Variants in MARCHF1 observed in about 807,000 individuals in gnomAD.
MARCHF1 encodes membrane associated ring-CH-type finger 1.
Under a neutral mutation model 54.2 loss-of-function variants are expected in MARCHF1, and 40 were observed. The observed-to-expected ratio is 0.74, with a 90% CI of 0.57 to 0.96. The LOEUF is 0.96. Among genes scored for constraint, MARCHF1 ranks in the 40% least tolerant of loss-of-function variants. The probability of loss-of-function intolerance (pLI) is 0.00; values close to 1 mark genes in which losing one functional copy is unlikely to be tolerated. For synonymous variants in MARCHF1, 236 were observed against 236.3 expected (o/e 1.00, Z 0.01); for missense variants, 586 against 656.5 (o/e 0.89, Z 1.17).
chr4:163,951,329 A>G lies in MARCHF1; in HGVS notation c.-39+37172T>C, dbSNP rs575034536. ...TCTATGAAGTAGATTTGCTATCTAG[A>G]TGCATGTAACTACGAACACAGGTGT... On this transcript the variant is annotated intron_variant, in intron 3 of 9. Coordinates refer to ENST00000514618, the MANE Select transcript of MARCHF1 (RefSeq NM_001394959.1). Among the ~76,000 whole-genome samples the G allele has an allele frequency of 1.2e-4, 19 of 152,286 alleles. 1 individual carries two copies. The South Asian group carries it at 3.5e-3, about 28-fold the overall frequency.
intron 1 of MARCHF1, among the ~76,000 whole-genome samples, chr4:164,155,985 G>A (rs964251124): frequency 6.6e-6 from 1 of 152,122 alleles, no homozygotes; most frequent in Non-Finnish European, 1.5e-5. Flanking sequence ...TTCGGGGGAA[G>A]TATCTACTTC....
chr4:164,259,182 T>C (rs1430232037), intron 1 of MARCHF1, among the ~76,000 whole-genome samples: 2 of 152,108 alleles, frequency 1.3e-5, no homozygotes, highest in South Asian at 2.1e-4. Context: ...TCCTCCGAAA[T>C]TCATTCCATC....
chr4:164,115,355 A>G (rs1322739465), intron 1 of MARCHF1, among the ~76,000 whole-genome samples: 1 of 152,058 alleles, frequency 6.6e-6, no homozygotes, highest in Non-Finnish European at 1.5e-5. Context: ...GTTGAAGAAT[A>G]GAGACTAAAT....
chr4:164,254,079 C>T (rs1205305431), intron 1 of MARCHF1, among the ~76,000 whole-genome samples: 1 of 152,000 alleles, frequency 6.6e-6, no homozygotes, highest in Non-Finnish European at 1.5e-5. Context: ...ATCTTGACTG[C>T]AGTGTTGATC....
chr4:164,138,190 T>C lies in MARCHF1; in HGVS notation c.-322-26528A>G, dbSNP rs115091046. Reference sequence around the variant, plus strand: ...TTATTAAGTTCTTTTTCATCTGGTTTATTTTTTACTGATCTCTGGCATTAC... The same window carrying C: ...TTATTAAGTTCTTTTTCATCTGGTTCATTTTTTACTGATCTCTGGCATTAC... On this transcript the variant is annotated intron_variant, in intron 1 of 9. Coordinates refer to ENST00000514618, the MANE Select transcript of MARCHF1 (RefSeq NM_001394959.1). Among the ~76,000 whole-genome samples the C allele has an allele frequency of 4.2e-3, 643 of 152,274 alleles. 4 individuals carry two copies. Among genetic ancestry groups the C allele is most frequent in the Admixed American group, 7.8e-3 (119 of 15,302 alleles).
At chr4:164,256,113 G>T (rs140392690) in intron 1 of MARCHF1, among the ~76,000 whole-genome samples, 5 of 151,132 alleles carry the variant, frequency 3.3e-5, no homozygotes, top group African/African-American at 1.2e-4. Context: ...CAACATAGTG[G>T]TACCCTACAA....
intron 1 of MARCHF1, among the ~76,000 whole-genome samples, chr4:164,250,987 G>A (rs1478385472): frequency 6.6e-6 from 1 of 152,080 alleles, no homozygotes; most frequent in Non-Finnish European, 1.5e-5. Context: ...AAATACTTGA[G>A]TAATGTCCTT....
chr4:163,921,480 G>T (rs1751429148), intron 3 of MARCHF1, among the ~76,000 whole-genome samples: 1 of 152,010 alleles, frequency 6.6e-6, no homozygotes, highest in Non-Finnish European at 1.5e-5. Flanking sequence ...AAAAATTATT[G>T]TGGACTTTGG....
intron 1 of MARCHF1, among the ~76,000 whole-genome samples, chr4:164,325,829 G>A (rs1310444212): frequency 1.3e-5 from 2 of 151,942 alleles, no homozygotes; most frequent in Non-Finnish European, 2.9e-5. Context: ...TTTATAATAT[G>A]GCAAAGATAC....
intron 1 of MARCHF1, among the ~76,000 whole-genome samples, chr4:164,267,000 T>C (rs1733626874): frequency 6.6e-6 from 1 of 152,186 alleles, no homozygotes; most frequent in African/African-American, 2.4e-5. Context: ...GGTGACATGA[T>C]GTCTACATCA....
chr4:163,724,484 C>T (rs1021436359), intron 4 of MARCHF1, among the ~76,000 whole-genome samples: 9 of 152,330 alleles, frequency 5.9e-5, no homozygotes, highest in African/African-American at 1.7e-4. Context: ...GCAGTCTGTC[C>T]GTTCTCAGAT....
chr4:164,172,713 C>T (rs1347492720), intron 1 of MARCHF1, among the ~76,000 whole-genome samples: 1 of 152,212 alleles, frequency 6.6e-6, no homozygotes, highest in Non-Finnish European at 1.5e-5. Context: ...CGCGGTGGCT[C>T]ACGCCTGTAA....
intron 3 of MARCHF1, among the ~76,000 whole-genome samples, chr4:163,961,591 C>T (rs1293982463): frequency 2.0e-5 from 3 of 151,806 alleles, no homozygotes; most frequent in Non-Finnish European, 4.4e-5. Context: ...TGTCCTATCT[C>T]GGTTTACCAT....
intron 1 of MARCHF1, among the ~76,000 whole-genome samples, chr4:164,302,880 A>AAT (rs1251958088): frequency 1.3e-4 from 20 of 151,414 alleles, no homozygotes; most frequent in East Asian, 9.7e-4. Flanking sequence ...AAAAAAAAAA[A>AAT]AAAAAAAAAA....
At chr4:164,376,997 T>C (rs962200544) in intron 1 of MARCHF1, among the ~76,000 whole-genome samples, 3 of 152,152 alleles carry the variant, frequency 2.0e-5, no homozygotes, top group Admixed American at 2.0e-4. Context: ...CTCACCAAGC[T>C]TCCATTTATC....
chr4:163,637,542 G>A (rs1742383233), intron 5 of MARCHF1, among the ~76,000 whole-genome samples: 1 of 151,744 alleles, frequency 6.6e-6, no homozygotes, highest in Admixed American at 6.6e-5. Context: ...ACCACAATGA[G>A]ATACCATCTC....
intron 5 of MARCHF1, among the ~76,000 whole-genome samples, chr4:163,617,026 T>A (rs552981254): frequency 6.6e-5 from 10 of 152,274 alleles, no homozygotes; most frequent in African/African-American, 2.4e-4. Context: ...AGCAGATGAA[T>A]GGATACAGAA....
chr4:163,947,339 C>T (rs1355572839), intron 3 of MARCHF1, among the ~76,000 whole-genome samples: 1 of 152,142 alleles, frequency 6.6e-6, no homozygotes, highest in Non-Finnish European at 1.5e-5. Flanking sequence ...TGTTCCCAAA[C>T]TGTTGGCCAT....
chr4:163,769,789 A>G (rs1031695068), intron 4 of MARCHF1, among the ~76,000 whole-genome samples: 11 of 152,192 alleles, frequency 7.2e-5, no homozygotes, highest in Non-Finnish European at 1.0e-4. Context: ...GGCATATACA[A>G]TACAAACTGG....
Sources: allele counts gnomAD v4.1 joint callset (sites outside exome capture counted in the v4.1 genomes callset), GRCh38; gene constraint gnomAD v4.1.1; transcripts MANE v1.5; gene names NCBI Gene and HGNC (gene_info 2026-07-23, HGNC 2026-07-21).